The following CSNK1G1 variants were observed in gnomAD, a reference collection of about 807,000 sequenced individuals.
CSNK1G1 encodes casein kinase I isoform gamma-1.
CSNK1G1 carries 22 observed loss-of-function variants against 59.6 expected under a neutral mutation model. The ratio of observed to expected loss-of-function variants is 0.37; its 90% CI spans 0.26 to 0.53. The LOEUF is 0.53. Ranked by LOEUF, CSNK1G1 falls within the 20% of genes least tolerant of loss-of-function variation. The pLI is 0.89. For synonymous variants in CSNK1G1, 179 were observed against 177.1 expected (o/e 1.01, Z -0.08); for missense variants, 384 against 519.5 (o/e 0.74, Z 2.54).
At chr15:64,189,446 ACAT>A in intron 10 of CSNK1G1, 1 of 1,292,020 alleles carries the variant, frequency 7.7e-7, no homozygotes, top group South Asian at 1.3e-5. Context: ...TGAGTTGTTA[ACAT>A]CATAATGCTC....
At chr15:64,183,239 C>T (rs1457976070) in intron 10 of CSNK1G1, among the ~76,000 whole-genome samples, 3 of 152,128 alleles carry the variant, frequency 2.0e-5, no homozygotes, top group Admixed American at 6.5e-5. Flanking sequence ...CCACTTGGGC[C>T]ATAAGCACTG....
At chr15:64,177,514 G>A (rs917747150) in intron 11 of CSNK1G1, among the ~76,000 whole-genome samples, 1 of 152,158 alleles carries the variant, frequency 6.6e-6, no homozygotes, top group Non-Finnish European at 1.5e-5. Context: ...CATGAGCTTC[G>A]GGATGACATC....
At position 64,170,490 on chromosome 15, in the gene CSNK1G1, GAGA is replaced by G. The variant is rs1437772833; in HGVS notation, c.*1438_*1440del. The G allele has an allele frequency of 6.6e-6, 1 of 152,640 alleles. No homozygotes were observed. Among genetic ancestry groups the G allele is most frequent in the Non-Finnish European group, 1.5e-5 (1 of 68,072 alleles). The allele number at this position is 152,640 out of a possible 1,614,324, so 9.5% of individuals were successfully genotyped here. ...AAGCCTACTGCTATGGACCTGCTGG[GAGA>G]AGATCTTCATAAGCTTGGTTTCTGA... On this transcript the variant is annotated 3_prime_UTR_variant, in exon 12 of 12. Coordinates refer to ENST00000303052, the MANE Select transcript of CSNK1G1 (RefSeq NM_022048.5).
chr15:64,229,018 CAA>C (rs1218085247), intron 4 of CSNK1G1, among the ~76,000 whole-genome samples: 5 of 65,906 alleles, frequency 7.6e-5, no homozygotes, highest in Admixed American at 1.6e-4. Flanking sequence ...GACTCTGTCT[CAA>C]AAAAAAAAAA....
At chr15:64,217,410 C>G (rs1194117590) in intron 4 of CSNK1G1, among the ~76,000 whole-genome samples, 1 of 152,198 alleles carries the variant, frequency 6.6e-6, no homozygotes, top group Non-Finnish European at 1.5e-5. Flanking sequence ...AAGCCAAAAT[C>G]CAGACTTTCT....
chr15:64,206,177 C>T (rs2082177261), intron 7 of CSNK1G1, among the ~76,000 whole-genome samples: 1 of 152,024 alleles, frequency 6.6e-6, no homozygotes, highest in Non-Finnish European at 1.5e-5. Context: ...TGCAGTGGCT[C>T]ACGCCTGTAA....
chr15:64,203,959 A>G (rs1368276520), intron 9 of CSNK1G1, among the ~76,000 whole-genome samples: 1 of 152,116 alleles, frequency 6.6e-6, no homozygotes, highest in East Asian at 2.0e-4. Context: ...CCTGGCCAAC[A>G]TGGCAAAACC....
chr15:64,187,572 G>A (rs550384440), intron 10 of CSNK1G1, among the ~76,000 whole-genome samples: 1 of 152,256 alleles, frequency 6.6e-6, no homozygotes, highest in East Asian at 1.9e-4. Flanking sequence ...CTGTGATTAA[G>A]ATCTTTCCAT....
chr15:64,262,517 G>C (rs1405952943), intron 2 of CSNK1G1, among the ~76,000 whole-genome samples: 1 of 152,202 alleles, frequency 6.6e-6, no homozygotes, highest in African/African-American at 2.4e-5. Flanking sequence ...GGAGCACATA[G>C]TGTGTGGGAA....
chr15:64,231,417 G>GTA (rs139200714), intron 4 of CSNK1G1, among the ~76,000 whole-genome samples: 2 of 145,360 alleles, frequency 1.4e-5, no homozygotes, highest in African/African-American at 5.1e-5. Context: ...ATATGTATAT[G>GTA]TATATATATA....
At chr15:64,234,059 C>CAA (rs1433658518) in intron 4 of CSNK1G1, among the ~76,000 whole-genome samples, 2 of 152,276 alleles carry the variant, frequency 1.3e-5, no homozygotes, top group African/African-American at 4.8e-5. Flanking sequence ...CCTCATCTGA[C>CAA]ATTTGTTCCA....
At chr15:64,203,029 A>G (rs879242288) in intron 10 of CSNK1G1, 53 bp downstream of exon 10, 2 of 1,354,740 alleles carry the variant, frequency 1.5e-6, no homozygotes, top group African/African-American at 1.4e-5. Flanking sequence ...TTGGGTTTTA[A>G]TATTAGCCAA....
In CSNK1G1 at chr15:64,173,683, C is replaced by T. The variant is rs529577611; in HGVS notation, c.1215-1698G>A. Among the ~76,000 whole-genome samples the T allele has an allele frequency of 3.6e-5, 5 of 137,212 alleles. No homozygotes were observed. In the East Asian group the frequency reaches 6.4e-4, roughly 18 times the overall value. The allele number at this position is 137,212 out of a possible 152,430, so 90.0% of individuals were successfully genotyped here. A position where few individuals can be genotyped will look rare whatever the true frequency, so the allele number is the denominator to read the frequency against. On this transcript the variant is annotated intron_variant, in intron 11 of 11. Transcript: ENST00000303052. ...TGTCGCTCAGGCTGGAGTGCAATGGCGCCATCTCTGCTCACTGCAACCTCC... is the reference window on the plus strand; with the variant it reads ...TGTCGCTCAGGCTGGAGTGCAATGGTGCCATCTCTGCTCACTGCAACCTCC...
chr15:64,349,404 T>C (rs902180257), intron 1 of CSNK1G1, among the ~76,000 whole-genome samples: 4 of 152,126 alleles, frequency 2.6e-5, no homozygotes, highest in African/African-American at 7.2e-5. Flanking sequence ...ACTAAGAGAA[T>C]ATCCCTCTAC....
At chr15:64,308,896 CA>C (rs66686070) in intron 1 of CSNK1G1, among the ~76,000 whole-genome samples, 121,819 of 144,304 alleles carry the variant, frequency 0.84, 52,398 homozygotes, top group East Asian at 0.99. Flanking sequence ...GACTCTGTCT[CA>C]AAAAAAAAAA....
chr15:64,249,931 A>C lies in CSNK1G1; in HGVS notation c.292+1581T>G, dbSNP rs151039512. ...AAGGGCTTACAGAGGAAATCCTGAA[A>C]ACTGGCCTGTCCACTTCCCCACTTA... On this transcript the variant is annotated intron_variant, in intron 4 of 11. Transcript: ENST00000303052. 5.3e-4 allele frequency among the ~76,000 whole-genome samples: 81 copies of C among 152,266 alleles called. 1 individual carries two copies. In the East Asian group the frequency reaches 0.014, roughly 27 times the overall value.
At chr15:64,339,343 C>A (rs1037650301) in intron 1 of CSNK1G1, among the ~76,000 whole-genome samples, 39 of 152,248 alleles carry the variant, frequency 2.6e-4, no homozygotes, top group African/African-American at 9.1e-4. Flanking sequence ...GGTAGAGTCT[C>A]ACTCTCTCGC....
chr15:64,282,899 C>A (rs1188371956), intron 2 of CSNK1G1, among the ~76,000 whole-genome samples: 2 of 152,142 alleles, frequency 1.3e-5, no homozygotes, highest in Non-Finnish European at 2.9e-5. Context: ...CAATGGCTAA[C>A]AATGTTGAGC....
intron 1 of CSNK1G1, among the ~76,000 whole-genome samples, chr15:64,345,788 G>A (rs1285381867): frequency 6.6e-6 from 1 of 150,876 alleles, no homozygotes; most frequent in Admixed American, 6.6e-5. Flanking sequence ...TTGTAGAATA[G>A]AAAAAAAAAC....
Sources: allele counts gnomAD v4.1 joint callset (sites outside exome capture counted in the v4.1 genomes callset), GRCh38; gene constraint gnomAD v4.1.1; transcripts MANE v1.5; gene names NCBI Gene and HGNC (gene_info 2026-07-23, HGNC 2026-07-21).